Variants in OLFM4 observed in about 807,000 individuals in gnomAD.
The protein encoded by OLFM4 is olfactomedin-4.
OLFM4 carries 22 observed loss-of-function variants against 25.5 expected under a neutral mutation model. That is an observed-to-expected ratio of 0.86 (90% CI 0.62 to 1.23). The LOEUF is 1.23. OLFM4 is among the 50% of genes most tolerant of loss of function. The probability of loss-of-function intolerance (pLI) is 0.00; values close to 1 mark genes in which losing one functional copy is unlikely to be tolerated. For synonymous variants in OLFM4, 255 were observed against 237.7 expected, an observed-to-expected ratio of 1.07 and a Z score of -0.67; for missense variants, 594 against 619.4, an observed-to-expected ratio of 0.96 and a Z score of 0.44.
At chr13:53,030,242 G>GT (rs1160005253) in intron 1 of OLFM4, among the ~76,000 whole-genome samples, 3 of 152,198 alleles carry the variant, frequency 2.0e-5, no homozygotes, top group African/African-American at 4.8e-5. Flanking sequence ...AACATTTACT[G>GT]TGTGTCTAAT....
intron 2 of OLFM4, among the ~76,000 whole-genome samples, chr13:53,039,534 A>C (rs1338764232): frequency 1.3e-5 from 2 of 152,220 alleles, no homozygotes; most frequent in Non-Finnish European, 2.9e-5. Flanking sequence ...TACAACAATG[A>C]TTTATATAGC....
chr13:53,030,794 A>G (rs1456831793), intron 1 of OLFM4, among the ~76,000 whole-genome samples: 2 of 152,220 alleles, frequency 1.3e-5, no homozygotes, highest in Non-Finnish European at 2.9e-5. Context: ...CAAGGAGTAT[A>G]GATGAAAATT....
Position 53,029,174 on chromosome 13 carries a change from T to C in OLFM4, c.204+134T>C, listed in dbSNP as rs575148547. Reference sequence around the variant, plus strand: ...TACGACTCATTTTGTTAACTATAGGTGCCCCGGAAATGAATTAAAGCCTCA... The same window carrying C: ...TACGACTCATTTTGTTAACTATAGGCGCCCCGGAAATGAATTAAAGCCTCA... On this transcript the variant is annotated intron_variant, in intron 1 of 4. Transcript: ENST00000219022. 1.7e-5 allele frequency: 22 copies of C among 1,302,838 alleles called. No homozygotes were observed. In the African/African-American group the frequency reaches 3.0e-4, roughly 18 times the overall value. The allele number at this position is 1,302,838 out of a possible 1,614,324, so 80.7% of individuals were successfully genotyped here. A position where few individuals can be genotyped will look rare whatever the true frequency, so the allele number is the denominator to read the frequency against.
intron 1 of OLFM4, among the ~76,000 whole-genome samples, chr13:53,032,255 G>A (rs1954633030): frequency 6.6e-6 from 1 of 152,184 alleles, no homozygotes; most frequent in Non-Finnish European, 1.5e-5. Flanking sequence ...TGTTTTCTGA[G>A]TTGGCAGAAT....
intron 2 of OLFM4, among the ~76,000 whole-genome samples, chr13:53,034,716 C>G (rs1444740440): frequency 6.6e-6 from 1 of 152,130 alleles, no homozygotes; most frequent in Non-Finnish European, 1.5e-5. Flanking sequence ...AAATTGTTCA[C>G]GCCGTGGATA....
In OLFM4 at chr13:53,052,042, A is replaced by G. The variant is rs1954751863; in HGVS notation, c.*1271A>G. On this transcript the variant is annotated 3_prime_UTR_variant, in exon 5 of 5. Coordinates refer to ENST00000219022, the MANE Select transcript of OLFM4 (RefSeq NM_006418.5). ...CCCCCTTTTAAAATAAATGATTAAAATGTGCTTTGAAAAAAGTCATCTTTT... is the reference window on the plus strand; with the variant it reads ...CCCCCTTTTAAAATAAATGATTAAAGTGTGCTTTGAAAAAAGTCATCTTTT... The G allele has an allele frequency of 6.6e-6, 1 of 152,156 alleles. No homozygotes were observed. The highest frequency in any genetic ancestry group is 1.5e-5 in the Non-Finnish European group (1 of 68,024). The allele number at this position is 152,156 out of a possible 1,614,324, so 9.4% of individuals were successfully genotyped here. A position where few individuals can be genotyped will look rare whatever the true frequency, so the allele number is the denominator to read the frequency against.
Position 53,030,331 on chromosome 13 carries a change from C to CTCATTCTG in OLFM4, c.204+1295_204+1302dup, listed in dbSNP as rs1395448222. The stretch of plus-strand genomic sequence containing the variant: ...GTTTGTTTGTTTTTTGAGACAGAGT[C>CTCATTCTG]TCATTCTGTCACCCAGGCTGGAGTG... On this transcript the variant is annotated intron_variant, in intron 1 of 4. Transcript: ENST00000219022. Among the ~76,000 whole-genome samples the CTCATTCTG allele has an allele frequency of 2.6e-5, 4 of 152,112 alleles. No homozygotes were observed. The South Asian group carries it at 8.3e-4, about 32-fold the overall frequency.
intron 4 of OLFM4, among the ~76,000 whole-genome samples, chr13:53,046,336 A>G (rs536744592): frequency 6.6e-6 from 1 of 152,338 alleles, no homozygotes; most frequent in East Asian, 1.9e-4. Context: ...AATATTTTAA[A>G]TTCTCATGAT....
rs548455739 is a variant in OLFM4 at position 53,034,491 on chromosome 13, A to G, written c.348A>G (p.Glu116=). Residue 116 remains glutamate (E), a synonymous_variant, in exon 2 of 5, where the codon GAA becomes GAG. Transcript: ENST00000219022. Reference sequence around the variant, plus strand: ...TTCTTTCTCAGAAGTTTGAGAAAGAACTTTCCAAAGTAAGCATTTTCTTTT... The same window carrying G: ...TTCTTTCTCAGAAGTTTGAGAAAGAGCTTTCCAAAGTAAGCATTTTCTTTT... The part of the protein sequence containing the change: ...AHVLSQKFEK[E]LSKVREYVQL... 1.3e-5 allele frequency: 21 copies of G among 1,609,734 alleles called. No individual in the cohort carries two copies. Among genetic ancestry groups the G allele is most frequent in the Middle Eastern group, 1.7e-4 (1 of 6,040 alleles).
intron 2 of OLFM4, 105 bp from the exon 3 acceptor site, chr13:53,041,805 T>C: frequency 2.8e-6 from 2 of 713,534 alleles, no homozygotes; most frequent in Non-Finnish European, 4.8e-6. Flanking sequence ...CAAAACACAA[T>C]GATTGGCAAG....
intron 2 of OLFM4, among the ~76,000 whole-genome samples, chr13:53,035,138 C>A (rs1390459565): frequency 1.3e-5 from 2 of 151,872 alleles, no homozygotes; most frequent in East Asian, 3.9e-4. Flanking sequence ...CAAATCCTCT[C>A]CCTCTCATCC....
chr13:53,033,361 G>C (rs1265863147), intron 1 of OLFM4, among the ~76,000 whole-genome samples: 2 of 152,112 alleles, frequency 1.3e-5, no homozygotes, highest in African/African-American at 2.4e-5. Context: ...CAAATGGCTG[G>C]TTCCCATTTT....
At chr13:53,039,424 C>T (rs9568797) in intron 2 of OLFM4, among the ~76,000 whole-genome samples, 99,633 of 151,904 alleles carry the variant, frequency 0.66, 33,060 homozygotes, top group East Asian at 0.93. Flanking sequence ...GCCTTGGTTC[C>T]GCATCTGCAG....
chr13:53,041,289 C>A (rs1364262246), intron 2 of OLFM4, among the ~76,000 whole-genome samples: 2 of 152,008 alleles, frequency 1.3e-5, no homozygotes, highest in Non-Finnish European at 2.9e-5. Context: ...TACTTTGCAA[C>A]CATAAGAAAG....
rs1276598316 is a variant in OLFM4, at chr13:53,051,757, T to G, written c.*986T>G. On this transcript the variant is annotated 3_prime_UTR_variant, in exon 5 of 5. Coordinates refer to ENST00000219022, the MANE Select transcript of OLFM4 (RefSeq NM_006418.5). ...TTGGAGCATATGTGCAACTTATGAG[T>G]GTATCAGTTGTTGCATGTAATTTTT... The G allele has an allele frequency of 6.6e-6, 1 of 152,156 alleles. No homozygotes were observed. Among genetic ancestry groups the G allele is most frequent in the Non-Finnish European group, 1.5e-5 (1 of 68,030 alleles). 9.4% of individuals were successfully genotyped at this position (152,156 alleles called of 1,614,324 possible).
intron 2 of OLFM4, among the ~76,000 whole-genome samples, chr13:53,039,197 G>C (rs574379564): frequency 6.6e-6 from 1 of 152,220 alleles, no homozygotes; most frequent in Non-Finnish European, 1.5e-5. Flanking sequence ...GAAGCTGAGG[G>C]TGTTTCATTT....
chr13:53,038,407 G>A (rs149670332), intron 2 of OLFM4, among the ~76,000 whole-genome samples: 45 of 152,146 alleles, frequency 3.0e-4, no homozygotes, highest in Non-Finnish European at 2.9e-4. Context: ...AAACCTAGAG[G>A]GTGTAGCCAA....
intron 4 of OLFM4, among the ~76,000 whole-genome samples, chr13:53,049,090 C>A (rs1410239869): frequency 6.6e-6 from 1 of 152,056 alleles, no homozygotes; most frequent in East Asian, 1.9e-4. Context: ...GAATCTTGTC[C>A]CACTTGATTG....
intron 1 of OLFM4, among the ~76,000 whole-genome samples, chr13:53,031,404 C>A (rs1954628127): frequency 6.6e-6 from 1 of 152,202 alleles, no homozygotes. Flanking sequence ...TGACACTTAG[C>A]CTTGGCTACT....
Sources: gnomAD v4.1 joint callset for allele counts (sites outside exome capture counted in the v4.1 genomes callset) on GRCh38, gnomAD v4.1.1 for gene constraint, MANE v1.5 for transcripts, NCBI Gene and HGNC (gene_info 2026-07-23, HGNC 2026-07-21) for gene names.